The following XKR9 variants were observed in gnomAD, a reference collection of about 807,000 sequenced individuals.
The protein encoded by XKR9 is XK-related protein 9.
XKR9 carries 32 observed loss-of-function variants against 32.0 expected under a neutral mutation model. That is an observed-to-expected ratio of 1.00 (90% CI 0.76 to 1.34). The LOEUF (loss-of-function observed/expected upper bound fraction) is 1.34, where lower values mean the gene tolerates loss of function less well. Among genes scored for constraint, XKR9 ranks in the 40% most tolerant of loss-of-function variants. The probability of loss-of-function intolerance (pLI) is 0.00; values close to 1 mark genes in which losing one functional copy is unlikely to be tolerated. For missense variants in XKR9, 546 were observed against 429.7 expected (o/e 1.27, Z -2.39); for synonymous variants, 168 against 143.4 (o/e 1.17, Z -1.22).
chr8:71,032,305 A>AAAAAAAAAAAAT, the XKR9 span, among the ~76,000 whole-genome samples: 1 of 140,844 alleles, frequency 7.1e-6, no homozygotes, highest in Admixed American at 7.3e-5. Flanking sequence ...AAAAAAAAAA[A>AAAAAAAAAAAAT]AAACCACTTT....
intron 4 of XKR9, among the ~76,000 whole-genome samples, chr8:70,718,116 C>T (rs1806151747): frequency 6.6e-6 from 1 of 152,102 alleles, no homozygotes; most frequent in African/African-American, 2.4e-5. Context: ...TCCAAACTTT[C>T]CCACATCTTC....
chr8:70,884,120 A>G, the XKR9 span, among the ~76,000 whole-genome samples: 1 of 152,014 alleles, frequency 6.6e-6, no homozygotes, highest in Non-Finnish European at 1.5e-5. Context: ...AAAAATTTCC[A>G]ATTTTGTAAG....
chr8:70,933,508 A>G, the XKR9 span, among the ~76,000 whole-genome samples: 2 of 151,978 alleles, frequency 1.3e-5, no homozygotes, highest in Admixed American at 1.3e-4. Context: ...CTTAGTCACA[A>G]AATCTGGAGA....
At chr8:71,058,047 G>A in the XKR9 span, among the ~76,000 whole-genome samples, 1,133 of 152,170 alleles carry the variant, frequency 7.4e-3, 18 homozygotes, top group African/African-American at 0.025. Context: ...CGGGTGTGGT[G>A]GCGGGCGCCT....
At chr8:70,924,982 CA>C in the XKR9 span, among the ~76,000 whole-genome samples, 1 of 152,176 alleles carries the variant, frequency 6.6e-6, no homozygotes, top group Middle Eastern at 3.4e-3. Flanking sequence ...TTTTTTTGCC[CA>C]AGTAAATTTT....
chr8:70,806,176 A>C, the XKR9 span, among the ~76,000 whole-genome samples: 1 of 152,182 alleles, frequency 6.6e-6, no homozygotes, highest in South Asian at 2.1e-4. Flanking sequence ...CAGAAGAGGG[A>C]CCTGACCATT....
At chr8:70,738,648 C>T (rs555213031), downstream of XKR9, among the ~76,000 whole-genome samples, 1 of 151,808 alleles carries the variant, frequency 6.6e-6, no homozygotes, top group Admixed American at 6.6e-5. Flanking sequence ...TGAATGTGTC[C>T]CAGAGATTCT....
At chr8:70,673,911 A>C (rs1156776013) in intron 1 of XKR9, among the ~76,000 whole-genome samples, 1 of 152,254 alleles carries the variant, frequency 6.6e-6, no homozygotes, top group African/African-American at 2.4e-5. Context: ...TACTTACAAC[A>C]TGCAAGGTAA....
At chr8:70,678,715 A>G (rs1045183154) in intron 2 of XKR9, among the ~76,000 whole-genome samples, 2 of 152,206 alleles carry the variant, frequency 1.3e-5, no homozygotes, top group Admixed American at 6.5e-5. Context: ...TGGCCACAAC[A>G]TTCTTGACAG....
the XKR9 span, among the ~76,000 whole-genome samples, chr8:71,002,044 T>C: frequency 2.6e-5 from 4 of 152,228 alleles, no homozygotes; most frequent in African/African-American, 9.6e-5. Context: ...ATGTTTCATA[T>C]GTTTAAGTAC....
intron 1 of XKR9, chr8:70,670,784 A>G (rs928150333): frequency 3.3e-5 from 5 of 152,248 alleles, no homozygotes; most frequent in East Asian, 1.9e-4. Context: ...GTTAAACAGT[A>G]TACCCTTCAA....
At chr8:70,802,196 A>G in the XKR9 span, among the ~76,000 whole-genome samples, 5 of 151,926 alleles carry the variant, frequency 3.3e-5, no homozygotes, top group Admixed American at 3.3e-4. Context: ...TCAGCCTCCC[A>G]AAGTGCTGGG....
chr8:70,745,600 C>T (rs1444712259), intron 2 of XKR9, among the ~76,000 whole-genome samples: 1 of 152,046 alleles, frequency 6.6e-6, no homozygotes, highest in Non-Finnish European at 1.5e-5. Flanking sequence ...AAAAAGTTCC[C>T]GGATGTTGCT....
chr8:70,884,481 T>G, the XKR9 span, among the ~76,000 whole-genome samples: 3 of 152,200 alleles, frequency 2.0e-5, no homozygotes, highest in Non-Finnish European at 1.5e-5. Context: ...TTTTCTATGT[T>G]TTCTTCTAGC....
At chr8:70,971,367 T>C in the XKR9 span, among the ~76,000 whole-genome samples, 2 of 152,282 alleles carry the variant, frequency 1.3e-5, no homozygotes, top group East Asian at 3.9e-4. Flanking sequence ...TATTAGTCCT[T>C]TGTTGGATGT....
chr8:70,913,496 T>C, the XKR9 span, among the ~76,000 whole-genome samples: 1 of 152,128 alleles, frequency 6.6e-6, no homozygotes, highest in Middle Eastern at 3.2e-3. Context: ...AGAGAAAACA[T>C]GGCATAGAAT....
At chr8:70,727,431 C>T (rs1299834260) in intron 4 of XKR9, among the ~76,000 whole-genome samples, 1 of 151,216 alleles carries the variant, frequency 6.6e-6, no homozygotes, top group Non-Finnish European at 1.5e-5. Flanking sequence ...GACAGAGTCT[C>T]GCTCTGTCAC....
intron 2 of XKR9, among the ~76,000 whole-genome samples, chr8:70,678,896 A>G (rs1477580781): frequency 6.6e-6 from 1 of 152,238 alleles, no homozygotes; most frequent in East Asian, 1.9e-4. Context: ...GGTGTGTTTA[A>G]AGTAATAAAT....
chr8:70,760,324 C>T (rs1219927280), intron 2 of XKR9, among the ~76,000 whole-genome samples: 1 of 152,098 alleles, frequency 6.6e-6, no homozygotes, highest in African/African-American at 2.4e-5. Context: ...CCTATTTGCT[C>T]ATTAACTGAT....
Sources: gnomAD v4.1 joint callset for allele counts (sites outside exome capture counted in the v4.1 genomes callset) on GRCh38, gnomAD v4.1.1 for gene constraint, MANE v1.5 for transcripts, NCBI Gene and HGNC (gene_info 2026-07-23, HGNC 2026-07-21) for gene names.